Variants in HSPA4L observed in about 807,000 individuals in gnomAD.
HSPA4L encodes heat shock protein family A (Hsp70) member 4 like.
Under a neutral mutation model 100.3 loss-of-function variants are expected in HSPA4L, and 48 were observed. That is an observed-to-expected ratio of 0.48 (90% confidence interval 0.38 to 0.61). HSPA4L has a LOEUF of 0.61. Among genes scored for constraint, HSPA4L ranks in the 20% least tolerant of loss-of-function variants. The pLI, the probability that HSPA4L is intolerant of heterozygous loss-of-function variation, is 0.00. For missense variants in HSPA4L, 886 were observed against 988.6 expected, an observed-to-expected ratio of 0.90 and a Z score of 1.39; for synonymous variants, 319 against 328.2, an observed-to-expected ratio of 0.97 and a Z score of 0.30.
chr4:127,816,873 A>G (rs912185642), intron 12 of HSPA4L, among the ~76,000 whole-genome samples: 3 of 152,226 alleles, frequency 2.0e-5, no homozygotes, highest in African/African-American at 7.2e-5. Flanking sequence ...TATATAAACA[A>G]TAGAAGAGCT....
chr4:127,822,892 G>A lies in HSPA4L; in HGVS notation c.1936G>A (p.Glu646Lys), dbSNP rs1733850574. ...GTVYEKFITPEDLSKLSAVLE... is the reference protein window; with the variant it reads ...GTVYEKFITPKDLSKLSAVLE... ...TGTCTATGAAAAATTCATCACTCCA[G>A]AAGTAAGTCTAAATTCTGTTAATTT... The change falls in exon 15 of 19, where the codon GAA becomes AAA. Residue 646 changes from glutamate (E) to lysine (K), a missense_variant and splice_region_variant. Physicochemically the swap from Glu to Lys is moderately conservative, Grantham distance 56. Transcript: ENST00000296464. 6.8e-6 allele frequency: 11 copies of A among 1,611,934 alleles called. No individual in the cohort carries two copies. Among genetic ancestry groups the A allele is most frequent in the Non-Finnish European group, 8.5e-6 (10 of 1,179,300 alleles).
chr4:127,819,128 CTAAT>C (rs1307781028), intron 13 of HSPA4L, among the ~76,000 whole-genome samples: 4 of 152,062 alleles, frequency 2.6e-5, no homozygotes, highest in Non-Finnish European at 5.9e-5. Flanking sequence ...ATTAACCACT[CTAAT>C]TATTTTGTTG....
intron 1 of HSPA4L, among the ~76,000 whole-genome samples, chr4:127,784,120 C>A (rs1368725124): frequency 6.6e-6 from 1 of 152,256 alleles, no homozygotes; most frequent in African/African-American, 2.4e-5. Flanking sequence ...CAAATACTGG[C>A]TTTCGCCAGA....
chr4:127,815,946 A>G (rs890605665), intron 12 of HSPA4L, among the ~76,000 whole-genome samples: 1 of 152,212 alleles, frequency 6.6e-6, no homozygotes, highest in African/African-American at 2.4e-5. Context: ...AGAGTGAATA[A>G]CAAATAGAAA....
At chr4:127,783,946 C>T (rs1264599353) in intron 1 of HSPA4L, among the ~76,000 whole-genome samples, 3 of 152,050 alleles carry the variant, frequency 2.0e-5, no homozygotes, top group South Asian at 2.1e-4. Context: ...ACGTTTTGGA[C>T]GTTTATATTT....
At chr4:127,793,670 GA>G (rs1226317156) in intron 1 of HSPA4L, among the ~76,000 whole-genome samples, 2 of 152,094 alleles carry the variant, frequency 1.3e-5, no homozygotes, top group Non-Finnish European at 2.9e-5. Flanking sequence ...CAATCTTCCA[GA>G]CAAGAAGCTG....
chr4:127,804,818 A>C (rs542576662), intron 8 of HSPA4L, among the ~76,000 whole-genome samples: 1 of 152,070 alleles, frequency 6.6e-6, no homozygotes, highest in Non-Finnish European at 1.5e-5. Flanking sequence ...GACTCTGAAG[A>C]GCTCCTTTAA....
At position 127,832,813 on chromosome 4, in the gene HSPA4L, C is replaced by T; in HGVS notation, c.2459C>T (p.Ser820Leu). ...GGACAGAGTGGAACTGAAACTAAAT[C>T]AGATTCAACAAAAGACAGCTCACAG... ...MDGQSGTETK[S>L]DSTKDSSQHT... The change falls in exon 19 of 19, where the codon TCA becomes TTA. Residue 820 changes from serine to leucine, a missense_variant. By Grantham distance (145) the Ser-to-Leu change is moderately radical. Coordinates refer to ENST00000296464, the MANE Select transcript of HSPA4L (RefSeq NM_014278.4). 1.2e-6 allele frequency: 2 copies of T among 1,613,464 alleles called. No homozygotes were observed. Among genetic ancestry groups the T allele is most frequent in the Non-Finnish European group, 1.7e-6 (2 of 1,179,648 alleles).
In HSPA4L at chr4:127,812,289, G is replaced by GTCCC. The variant is rs376146994; in HGVS notation, c.1578+654_1578+657dup. ...CCGGGCGTGGTGGCAGGTACCTGTA[G>GTCCC]TCCCAGCTACTCAGGAGGCTGAGGC... On this transcript the variant is annotated intron_variant, in intron 12 of 18. Transcript: ENST00000296464. 4.5e-3 allele frequency among the ~76,000 whole-genome samples: 678 copies of GTCCC among 151,854 alleles called. 2 individuals carry two copies. The highest frequency in any genetic ancestry group is 0.016 in the African/African-American group (652 of 41,412).
chr4:127,813,106 C>G (rs1455246381), intron 12 of HSPA4L: 2 of 1,284,266 alleles, frequency 1.6e-6, no homozygotes, highest in Non-Finnish European at 2.2e-6. Context: ...CTTATAGATT[C>G]GCATATACGT....
At position 127,782,533 on chromosome 4, in the gene HSPA4L, C is replaced by G. The variant is rs781614439; in HGVS notation, c.-18C>G. The G allele has an allele frequency of 8.7e-6, 14 of 1,605,746 alleles. No individual in the cohort carries two copies. The Admixed American group carries it at 2.2e-4, about 25-fold the overall frequency. ...ACCGAAGGGTTCAGTACCAGCAGCC[C>G]GACCATCACGCGGCGGGATGTCTGT... On this transcript the variant is annotated 5_prime_UTR_variant, in exon 1 of 19. Coordinates refer to ENST00000296464, the MANE Select transcript of HSPA4L (RefSeq NM_014278.4).
intron 14 of HSPA4L, among the ~76,000 whole-genome samples, chr4:127,821,946 T>A (rs1578718738): frequency 6.6e-6 from 1 of 152,290 alleles, no homozygotes; most frequent in East Asian, 1.9e-4. Flanking sequence ...TCTTTTGTTT[T>A]TTAACAGCTT....
chr4:127,803,564 TTTTC>T, intron 6 of HSPA4L, 61 bp from the exon 7 acceptor site: 1 of 1,423,370 alleles, frequency 7.0e-7, no homozygotes, highest in Middle Eastern at 2.1e-4. Flanking sequence ...TTTTAGAGGT[TTTTC>T]TTTTTTTTTT....
intron 8 of HSPA4L, among the ~76,000 whole-genome samples, chr4:127,804,460 G>T (rs747061541): frequency 1.3e-5 from 2 of 152,132 alleles, no homozygotes; most frequent in Non-Finnish European, 2.9e-5. Flanking sequence ...CCAAAAATTA[G>T]CCAGGCATGA....
At chr4:127,824,849 A>C (rs1161761101) in intron 16 of HSPA4L, among the ~76,000 whole-genome samples, 1 of 152,174 alleles carries the variant, frequency 6.6e-6, no homozygotes, top group African/African-American at 2.4e-5. Context: ...TTAAAAGTTT[A>C]TATTGGGCTG....
chr4:127,824,622 C>T (rs1733896958), intron 16 of HSPA4L, among the ~76,000 whole-genome samples: 1 of 152,128 alleles, frequency 6.6e-6, no homozygotes, highest in East Asian at 1.9e-4. Context: ...AAAGGAGTCA[C>T]CCTCTTCTCC....
rs1430078970 is a variant in HSPA4L, at chr4:127,805,193, A to T, written c.1106A>T (p.Asp369Val). 1 of 1,609,866 alleles carries T rather than the reference A, an allele frequency of 6.2e-7. No individual in the cohort carries two copies. Among genetic ancestry groups the T allele is most frequent in the African/African-American group, 1.3e-5 (1 of 74,704 alleles). ...GACATAAGTACCACATTAAATGCTG[A>T]TGAAGCTGTTGCAAGAGGATGTGCG... ...LKDISTTLNADEAVARGCALQ... is the reference protein window; with the variant it reads ...LKDISTTLNAVEAVARGCALQ... Residue 369 changes from aspartate to valine, a missense_variant, in exon 9 of 19, where the codon GAT (aspartate) becomes GTT (valine). Physicochemically the swap from Asp to Val is radical, Grantham distance 152. Coordinates refer to ENST00000296464, the MANE Select transcript of HSPA4L (RefSeq NM_014278.4).
chr4:127,789,647 C>CA (rs56249580), intron 1 of HSPA4L, among the ~76,000 whole-genome samples: 87,246 of 145,750 alleles, frequency 0.6, 26,130 homozygotes, highest in Middle Eastern at 0.79. Context: ...GATTCTGTCT[C>CA]AAAAAAAAAA....
rs562620705 is a variant in HSPA4L, at chr4:127,838,168, C to G, written c.*5294C>G. On this transcript the variant is annotated 3_prime_UTR_variant, in exon 19 of 19. Transcript: ENST00000296464. ...TTGGATTTATAATGCTGCCAGATGT[C>G]ATTACAATTTTTTTTCTAAATTCAA... 93 of 152,244 alleles carry G rather than the reference C, an allele frequency of 6.1e-4. 1 individual carries two copies. The highest frequency in any genetic ancestry group is 2.0e-3 in the African/African-American group (83 of 41,526). 9.4% of individuals were successfully genotyped at this position (152,244 alleles called of 1,614,324 possible).
Sources: allele counts gnomAD v4.1 joint callset (sites outside exome capture counted in the v4.1 genomes callset), GRCh38; gene constraint gnomAD v4.1.1; transcripts MANE v1.5; gene names NCBI Gene and HGNC (gene_info 2026-07-23, HGNC 2026-07-21).